The following CCDC59 variants were observed in gnomAD, a reference collection of about 807,000 sequenced individuals.
The protein encoded by CCDC59 is thyroid transcription factor 1-associated protein 26.
CCDC59 carries 27 observed loss-of-function variants against 30.5 expected under a neutral mutation model. The ratio of observed to expected loss-of-function variants is 0.89; its 90% CI spans 0.65 to 1.22. CCDC59 has a LOEUF of 1.22. CCDC59 is among the 50% of genes most tolerant of loss of function. CCDC59 has a pLI of 0.00. For synonymous variants in CCDC59, 125 were observed against 100.9 expected (o/e 1.24, Z -1.43); for missense variants, 362 against 284.4 (o/e 1.27, Z -1.96).
chr12:82,356,858 T>G, intron 2 of CCDC59, 102 bp downstream of exon 2: 1 of 930,930 alleles, frequency 1.1e-6, no homozygotes, highest in Non-Finnish European at 1.5e-6. Context: ...ACTTCTAAAA[T>G]GTGTTAAATA....
At position 82,353,259 on chromosome 12, in the gene CCDC59, C is replaced by A; in HGVS notation, c.618G>T (p.Lys206Asn). Residue 206 changes from lysine (K) to asparagine (N), a missense_variant, in exon 4 of 4, where the codon AAG becomes AAT. By Grantham distance (94) the Lys-to-Asn change is moderately conservative (BLOSUM62 0). Transcript: ENST00000256151. ...GTATTTTAAACACTTCCATTTTCTT[C>A]TTTTTGTACTGCCTTTGGGCTTCTT... ...EREEAQRQYK[K>N]KKMEVFKILN... 1 of 1,612,530 alleles carries A rather than the reference C, an allele frequency of 6.2e-7. No individual in the cohort carries two copies. Among genetic ancestry groups the A allele is most frequent in the Non-Finnish European group, 8.5e-7 (1 of 1,179,318 alleles).
chr12:82,354,733 G>A, intron 2 of CCDC59, 139 bp from the exon 3 acceptor site: 5 of 609,750 alleles, frequency 8.2e-6, no homozygotes, highest in South Asian at 5.6e-5. Context: ...TTTCAACTAG[G>A]AAAAAATATA....
At chr12:82,358,785 T>G, upstream of CCDC59, 1 of 1,613,342 alleles carries the variant, frequency 6.2e-7, no homozygotes, top group South Asian at 1.1e-5. Flanking sequence ...GGCCCTGCCC[T>G]CAGAGACGCG....
chr12:82,352,852 A>C lies in CCDC59; in HGVS notation c.*299T>G, dbSNP rs1419084532. The C allele has an allele frequency of 2.1e-5, 4 of 192,150 alleles. No individual in the cohort carries two copies. Among genetic ancestry groups the C allele is most frequent in the Admixed American group, 1.2e-4 (2 of 16,806 alleles). The allele number at this position is 192,150 out of a possible 1,614,324, so 11.9% of individuals were successfully genotyped here. On this transcript the variant is annotated 3_prime_UTR_variant, in exon 4 of 4. Transcript: ENST00000256151. ...TGATAGCTCTGATTCCTTATTTTTA[A>C]AAAATTTATTTCATATAAATCTCAT...
At chr12:82,353,588 A>G (rs968313905) in intron 3 of CCDC59, among the ~76,000 whole-genome samples, 1 of 152,182 alleles carries the variant, frequency 6.6e-6, no homozygotes, top group African/African-American at 2.4e-5. Context: ...CATAATGGTC[A>G]TTACTGCACT....
rs745506195 is a variant in CCDC59 at position 82,357,273 on chromosome 12, C to T, written c.155-4G>A. On this transcript the variant is annotated splice_region_variant and splice_polypyrimidine_tract_variant and intron_variant, in intron 1 of 3. Transcript: ENST00000256151. ...CTTCGAAAAGCAAAGCCTTGTCCTA[C>T]ATTGAGGAATATCATCCAAAATTAC... 1.3e-6 allele frequency: 2 copies of T among 1,490,560 alleles called. No homozygotes were observed. Among genetic ancestry groups the T allele is most frequent in the South Asian group, 2.3e-5 (2 of 85,530 alleles). The allele number at this position is 1,490,560 out of a possible 1,614,324, so 92.3% of individuals were successfully genotyped here.
In CCDC59 at chr12:82,353,164, T is replaced by G. The variant is rs781555879; in HGVS notation, c.713A>C (p.Gln238Pro). ...VQMEYLLQKI[Q>P]EKC ...GGAACAAAATGTTTAACATTTTTCT[T>G]GTATTTTTTGAAGAAGGTACTCCAT... The change falls in exon 4 of 4, where the codon CAA becomes CCA. Residue 238 changes from glutamine (Q) to proline (P), a missense_variant. Gln to Pro is a moderately conservative substitution (Grantham distance 76, BLOSUM62 -1). Transcript: ENST00000256151. 1 of 1,600,162 alleles carries G rather than the reference T, an allele frequency of 6.2e-7. No individual in the cohort carries two copies. Among genetic ancestry groups the G allele is most frequent in the African/African-American group, 1.4e-5 (1 of 74,008 alleles).
At position 82,358,332 on chromosome 12, in the gene CCDC59, A is replaced by T; in HGVS notation, c.45T>A (p.Ile15=). The stretch of plus-strand genomic sequence containing the variant: ...TGGAAACCCCTTCACCACGCGCCTC[A>T]ATACCACCAGGCCGCCACTTCGCGG... ...RRSAKWRPGG[I]EARGEGVSTV... The change falls in exon 1 of 4, where the codon ATT becomes ATA. Residue 15 remains isoleucine, a synonymous_variant. Transcript: ENST00000256151. The T allele has an allele frequency of 1.9e-6, 3 of 1,614,088 alleles. No homozygotes were observed. In the South Asian group the frequency reaches 3.3e-5, roughly 18 times the overall value.
chr12:82,352,914 C>A lies in CCDC59; in HGVS notation c.*237G>T, dbSNP rs758925643. 5.2e-5 allele frequency: 18 copies of A among 349,222 alleles called. No homozygotes were observed. The highest frequency in any genetic ancestry group is 8.7e-5 in the Admixed American group (2 of 22,896). 21.6% of individuals were successfully genotyped at this position (349,222 alleles called of 1,614,324 possible). On this transcript the variant is annotated 3_prime_UTR_variant, in exon 4 of 4. Coordinates refer to ENST00000256151, the MANE Select transcript of CCDC59 (RefSeq NM_014167.5). ...GTATTACATGCTTGGGCCTGTCTTG[C>A]AAAATAAGAGGTTCTTTCAGTTCTT...
At position 82,358,211 on chromosome 12, in the gene CCDC59, C is replaced by T; in HGVS notation, c.154+12G>A. On this transcript the variant is annotated intron_variant, in intron 1 of 3. Coordinates refer to ENST00000256151, the MANE Select transcript of CCDC59 (RefSeq NM_014167.5). The stretch of plus-strand genomic sequence containing the variant: ...AGCCTGAGGATTTGCAAATGGTTGC[C>T]TTCTTACATACCCTCGCGAACGCTC... 3 of 1,614,132 alleles carry T rather than the reference C, an allele frequency of 1.9e-6. No individual in the cohort carries two copies. The highest frequency in any genetic ancestry group is 2.5e-6 in the Non-Finnish European group (3 of 1,180,016).
chr12:82,354,343 A>G (rs1880933697), intron 3 of CCDC59, 152 bp downstream of exon 3: 1 of 513,014 alleles, frequency 1.9e-6, no homozygotes, highest in Non-Finnish European at 3.2e-6. Flanking sequence ...ATAAGATGCA[A>G]TCCTCTACCT....
rs1171257052 is a variant in CCDC59, at chr12:82,352,641, C to T, written c.*510G>A. 6.6e-6 allele frequency: 1 copy of T among 152,310 alleles called. No individual in the cohort carries two copies. The highest frequency in any genetic ancestry group is 1.9e-4 in the East Asian group (1 of 5,196). The allele number at this position is 152,310 out of a possible 1,614,324, so 9.4% of individuals were successfully genotyped here. On this transcript the variant is annotated 3_prime_UTR_variant, in exon 4 of 4. Transcript: ENST00000256151. ...GTTTATAAATATCAGACTTTGAGTT[C>T]ACTGCTTTGTGAAGGTCGCTTTGTT...
At position 82,353,302 on chromosome 12, in the gene CCDC59, C is replaced by A. The variant is rs752355411; in HGVS notation, c.575G>T (p.Arg192Met). The part of the protein sequence containing the change: ...KRAAKKQEFE[R>M]RKQEREEAQR... ...GGCTTCTTCTCTCTCCTGTTTTCTC[C>A]TCTCGAATTCCTAAAATTATTAACA... is the stretch of plus-strand genomic sequence containing the variant. The change falls in exon 4 of 4, where the codon AGG becomes ATG. Residue 192 changes from arginine (R) to methionine (M), a missense_variant. Physicochemically the swap from Arg to Met is moderately conservative, Grantham distance 91. Transcript: ENST00000256151. 3 of 1,595,900 alleles carry A rather than the reference C, an allele frequency of 1.9e-6. No individual in the cohort carries two copies. The African/African-American group carries it at 4.1e-5, about 22-fold the overall frequency.
At chr12:82,355,763 A>G (rs904721329) in intron 2 of CCDC59, 1 of 151,738 alleles carries the variant, frequency 6.6e-6, no homozygotes, top group African/African-American at 2.4e-5. Flanking sequence ...ATCCCTCACA[A>G]CTTTTCTCTG....
At chr12:82,356,464 G>A (rs967568728) in intron 2 of CCDC59, among the ~76,000 whole-genome samples, 1 of 152,144 alleles carries the variant, frequency 6.6e-6, no homozygotes, top group Admixed American at 6.5e-5. Context: ...GTTTATGTGA[G>A]TAATCCATTC....
rs764109117 is a variant in CCDC59 at position 82,356,949 on chromosome 12, A to G, written c.464+11T>C. 6.3e-7 allele frequency: 1 copy of G among 1,581,788 alleles called. No homozygotes were observed. Among genetic ancestry groups the G allele is most frequent in the Admixed American group, 1.7e-5 (1 of 57,952 alleles). ...AACACTTAAAGGATTTCAAATGAAG[A>G]AAATACATACTTTACTGTTTTAATA... On this transcript the variant is annotated intron_variant, in intron 2 of 3. Transcript: ENST00000256151.
chr12:82,358,540 ACC>A, upstream of CCDC59: 39 of 1,604,290 alleles, frequency 2.4e-5, no homozygotes, highest in Non-Finnish European at 2.9e-5. Flanking sequence ...TGTTTGCGCC[ACC>A]TACAGCCTCG....
At chr12:82,354,032 T>A (rs201798075) in intron 3 of CCDC59, among the ~76,000 whole-genome samples, 1 of 141,542 alleles carries the variant, frequency 7.1e-6, no homozygotes, top group South Asian at 2.3e-4. Context: ...TTTTTTTTTT[T>A]AAACAGGCAA....
upstream of CCDC59, chr12:82,358,656 C>T: frequency 2.5e-6 from 4 of 1,614,178 alleles, no homozygotes; most frequent in Non-Finnish European, 3.4e-6. Flanking sequence ...GAGGGATGCC[C>T]TGTCCATTTC....
Sources: gnomAD v4.1 joint callset for allele counts (sites outside exome capture counted in the v4.1 genomes callset) on GRCh38, gnomAD v4.1.1 for gene constraint, MANE v1.5 for transcripts, NCBI Gene and HGNC (gene_info 2026-07-23, HGNC 2026-07-21) for gene names.